ZSCAN25: variants seen among roughly 807,000 people sequenced by gnomAD.
ZSCAN25 encodes the protein zinc finger and SCAN domain containing 25, also known as zinc finger and SCAN domain-containing protein 25.
ZSCAN25 carries 27 observed loss-of-function variants against 38.7 expected under a neutral mutation model. The ratio of observed to expected loss-of-function variants is 0.70; its 90% CI spans 0.51 to 0.96. The LOEUF (loss-of-function observed/expected upper bound fraction) is 0.96, where lower values mean the gene tolerates loss of function less well. Ranked by LOEUF, ZSCAN25 falls within the 40% of genes least tolerant of loss-of-function variation. The pLI, the probability that ZSCAN25 is intolerant of heterozygous loss-of-function variation, is 0.00. For missense variants in ZSCAN25, 637 were observed against 705.9 expected (o/e 0.90, Z 1.11); for synonymous variants, 273 against 277.7 (o/e 0.98, Z 0.17).
At chr7:99,671,671 C>T in the ZSCAN25 span, 1 of 601,128 alleles carries the variant, frequency 1.7e-6, no homozygotes, top group East Asian at 2.8e-5. Flanking sequence ...GAGGGCTAAG[C>T]AAAGGATTTT....
the ZSCAN25 span, chr7:99,705,643 G>C: frequency 3.7e-6 from 6 of 1,603,238 alleles, no homozygotes; most frequent in Non-Finnish European, 5.1e-6. Context: ...TAAAGCAAAA[G>C]TAGAAAGTAT....
At chr7:99,666,314 GT>G in the ZSCAN25 span, among the ~76,000 whole-genome samples, 2 of 152,244 alleles carry the variant, frequency 1.3e-5, no homozygotes, top group African/African-American at 2.4e-5. Context: ...ATACAATCAT[GT>G]TTTTTTAATT....
the ZSCAN25 span, among the ~76,000 whole-genome samples, chr7:99,699,408 C>T: frequency 6.6e-6 from 1 of 152,080 alleles, no homozygotes; most frequent in African/African-American, 2.4e-5. Flanking sequence ...GGGACAGCTT[C>T]CCGTGAAGTC....
the ZSCAN25 span, chr7:99,716,037 G>A: frequency 4.5e-6 from 7 of 1,557,246 alleles, no homozygotes; most frequent in Non-Finnish European, 5.3e-6. Context: ...CTATTTACTG[G>A]AGCATCTCCC....
the ZSCAN25 span, chr7:99,650,179 G>T: frequency 5.6e-6 from 9 of 1,614,108 alleles, no homozygotes; most frequent in Non-Finnish European, 7.6e-6. Flanking sequence ...TCTGGGTCCA[G>T]TTCCAAAGGG....
chr7:99,668,485 A>AT, the ZSCAN25 span, among the ~76,000 whole-genome samples: 3 of 151,956 alleles, frequency 2.0e-5, no homozygotes, highest in African/African-American at 4.8e-5. Context: ...TTTTTTTGCA[A>AT]TTTTTTTTGT....
At position 99,619,984 on chromosome 7, in the gene ZSCAN25, G is replaced by A. The variant is rs1401419141; in HGVS notation, c.378G>A (p.Glu126=). 1.2e-6 allele frequency: 2 copies of A among 1,612,170 alleles called. No individual in the cohort carries two copies. The highest frequency in any genetic ancestry group is 1.1e-5 in the South Asian group (1 of 91,030). Residue 126 remains glutamate, a synonymous_variant, in exon 4 of 8, where the codon GAG becomes GAA. Transcript: ENST00000394152. Reference sequence around the variant, plus strand: ...AGGACCTGACAGAAAGAGCACTGGAGGCCAAGGCGGTGGGTGAGGAGGGGA... The same window carrying A: ...AGGACCTGACAGAAAGAGCACTGGAAGCCAAGGCGGTGGGTGAGGAGGGGA... ...MVEDLTERAL[E]AKAVPCHRQG... is the part of the protein sequence containing the mutation.
At chr7:99,627,551 CAT>C (rs1807584872) in intron 7 of ZSCAN25, among the ~76,000 whole-genome samples, 1 of 152,010 alleles carries the variant, frequency 6.6e-6, no homozygotes, top group South Asian at 2.1e-4. Flanking sequence ...ACGTCACAAA[CAT>C]GATATTGAGT....
the ZSCAN25 span, chr7:99,685,131 T>A: frequency 6.4e-7 from 1 of 1,570,636 alleles, no homozygotes; most frequent in East Asian, 2.2e-5. Context: ...CAGAAGTCCT[T>A]AGGGAAATTC....
At chr7:99,621,638 C>A in intron 5 of ZSCAN25, 64 bp downstream of exon 5, 1 of 1,243,020 alleles carries the variant, frequency 8.0e-7, no homozygotes, top group Non-Finnish European at 1.0e-6. Flanking sequence ...AGCCAACTCT[C>A]TTCAGAAACC....
At chr7:99,692,670 C>A in the ZSCAN25 span, among the ~76,000 whole-genome samples, 1 of 152,118 alleles carries the variant, frequency 6.6e-6, no homozygotes, top group Non-Finnish European at 1.5e-5. Flanking sequence ...GATATCCTTT[C>A]TTACAGTTGA....
At chr7:99,681,594 C>T in the ZSCAN25 span, among the ~76,000 whole-genome samples, 7 of 152,188 alleles carry the variant, frequency 4.6e-5, no homozygotes, top group African/African-American at 1.7e-4. Flanking sequence ...GCCTATGTGG[C>T]ATTTGTATGT....
At chr7:99,633,000 T>TTTTTTTTTTTTTTTTTTTTTTTTTG (rs1562975065), downstream of ZSCAN25, among the ~76,000 whole-genome samples, 1 of 150,998 alleles carries the variant, frequency 6.6e-6, no homozygotes, top group African/African-American at 2.4e-5. Flanking sequence ...TTTTTTTTTT[T>TTTTTTTTTTTTTTTTTTTTTTTTTG]TTTGAGCTGG....
the ZSCAN25 span, chr7:99,660,639 C>G: frequency 6.2e-7 from 1 of 1,613,566 alleles, no homozygotes. Context: ...GACTGGGCTG[C>G]GAGCTCCAGA....
At chr7:99,715,708 C>A in the ZSCAN25 span, 1 of 1,612,576 alleles carries the variant, frequency 6.2e-7, no homozygotes, top group South Asian at 1.1e-5. Context: ...CTCAATAAAG[C>A]AGTTATTTTT....
rs530911657 is a variant in ZSCAN25 at position 99,619,942 on chromosome 7, C to G, written c.336C>G (p.Ala112=). The G allele has an allele frequency of 6.2e-7, 1 of 1,614,172 alleles. No homozygotes were observed. Among genetic ancestry groups the G allele is most frequent in the East Asian group, 2.2e-5 (1 of 44,878 alleles). Residue 112 remains alanine, a synonymous_variant, in exon 4 of 8, where the codon GCC becomes GCG. Coordinates refer to ENST00000394152, the MANE Select transcript of ZSCAN25 (RefSeq NM_145115.3). ...IREHGPESGK[A]LAAMVEDLTE... ...AGCATGGCCCAGAGAGTGGCAAGGC[C>G]CTGGCCGCCATGGTGGAGGACCTGA...
rs534376318 is a variant in ZSCAN25, at chr7:99,631,782, C to T, written c.*1762C>T. On this transcript the variant is annotated 3_prime_UTR_variant, in exon 8 of 8. Transcript: ENST00000394152. ...ATGACGCTCCTTGGTCTTCCTGGCT[C>T]ATTAGCTGTGCCCACGAGGCTGCAC... The T allele has an allele frequency of 2.7e-4, 269 of 985,448 alleles. 1 individual carries two copies. In the South Asian group the frequency reaches 8.6e-3, roughly 32 times the overall value. The allele number at this position is 985,448 out of a possible 1,614,324, so 61.0% of individuals were successfully genotyped here.
At chr7:99,660,523 C>A in the ZSCAN25 span, 1 of 1,613,096 alleles carries the variant, frequency 6.2e-7, no homozygotes, top group Non-Finnish European at 8.5e-7. Context: ...CTGCATCAAT[C>A]TCCTTTTGCA....
chr7:99,728,244 G>A, the ZSCAN25 span, among the ~76,000 whole-genome samples: 1 of 152,134 alleles, frequency 6.6e-6, no homozygotes. Flanking sequence ...TAGGTTACAA[G>A]CAACTAGCCC....
Sources: gnomAD v4.1 joint callset for allele counts (sites outside exome capture counted in the v4.1 genomes callset) on GRCh38, gnomAD v4.1.1 for gene constraint, MANE v1.5 for transcripts, NCBI Gene and HGNC (gene_info 2026-07-23, HGNC 2026-07-21) for gene names.